The following CHCHD6 variants were observed in gnomAD, a reference collection of about 807,000 sequenced individuals.
CHCHD6 encodes the protein MICOS complex subunit MIC25.
CHCHD6 carries 28 observed loss-of-function variants against 32.3 expected under a neutral mutation model. The ratio of observed to expected loss-of-function variants is 0.87; its 90% CI spans 0.64 to 1.19. CHCHD6 has a LOEUF of 1.19. Among genes scored for constraint, CHCHD6 ranks in the 50% most tolerant of loss-of-function variants. The probability of loss-of-function intolerance (pLI) is 0.00; values close to 1 mark genes in which losing one functional copy is unlikely to be tolerated. For missense variants in CHCHD6, 333 were observed against 307.0 expected (o/e 1.08, Z -0.63); for synonymous variants, 122 against 117.5 (o/e 1.04, Z -0.25).
intron 4 of CHCHD6, among the ~76,000 whole-genome samples, chr3:126,772,963 A>T (rs1937570079): frequency 6.6e-6 from 1 of 151,934 alleles, no homozygotes; most frequent in South Asian, 2.1e-4. Context: ...TCGGAAAAGG[A>T]TCTTATTTCT....
chr3:126,807,975 C>T (rs1285207871), intron 4 of CHCHD6, among the ~76,000 whole-genome samples: 1 of 152,234 alleles, frequency 6.6e-6, no homozygotes, highest in Admixed American at 6.5e-5. Flanking sequence ...TTTACAAAAA[C>T]ACGTGGCCAG....
chr3:126,757,204 T>C (rs902446007), intron 4 of CHCHD6, among the ~76,000 whole-genome samples: 2 of 152,190 alleles, frequency 1.3e-5, no homozygotes, highest in Admixed American at 6.5e-5. Context: ...ATTTTGGATT[T>C]TGGGTTTTCA....
chr3:126,860,193 A>T (rs1017340233), intron 5 of CHCHD6, among the ~76,000 whole-genome samples: 3 of 152,060 alleles, frequency 2.0e-5, no homozygotes, highest in African/African-American at 7.2e-5. Flanking sequence ...GAGCCTGGGG[A>T]TTCAGAGGGA....
chr3:126,898,470 A>G (rs1017525484), intron 5 of CHCHD6, among the ~76,000 whole-genome samples: 2 of 152,096 alleles, frequency 1.3e-5, no homozygotes, highest in Non-Finnish European at 2.9e-5. Context: ...GGAATGATAG[A>G]GATATTTTGG....
intron 4 of CHCHD6, among the ~76,000 whole-genome samples, chr3:126,784,885 C>T (rs1433606992): frequency 5.9e-5 from 9 of 151,502 alleles, no homozygotes; most frequent in African/African-American, 2.2e-4. Flanking sequence ...TTTTCATTTT[C>T]CCCTCCCTAT....
In CHCHD6 at chr3:126,707,959, C is replaced by G. The variant is rs1286702192; in HGVS notation, c.87+3560C>G. On this transcript the variant is annotated intron_variant, in intron 1 of 7. Transcript: ENST00000290913. ...GGGACAAAGCCGAGGACCCTGTCATCATAGAGACCTCAGCCCAGTAGGGAG... is the reference window on the plus strand; with the variant it reads ...GGGACAAAGCCGAGGACCCTGTCATGATAGAGACCTCAGCCCAGTAGGGAG... Among the ~76,000 whole-genome samples, 3 of 152,236 alleles carry G rather than the reference C, an allele frequency of 2.0e-5. No individual in the cohort carries two copies. The East Asian group carries it at 5.8e-4, about 29-fold the overall frequency.
At chr3:126,801,594 G>C (rs1444580249) in intron 4 of CHCHD6, among the ~76,000 whole-genome samples, 2 of 152,224 alleles carry the variant, frequency 1.3e-5, no homozygotes, top group Non-Finnish European at 2.9e-5. Context: ...AGAGCTCAAG[G>C]AGGCCTTGCT....
intron 4 of CHCHD6, among the ~76,000 whole-genome samples, chr3:126,849,013 A>C (rs929686548): frequency 9.2e-5 from 14 of 152,206 alleles, no homozygotes; most frequent in Non-Finnish European, 1.5e-5. Flanking sequence ...GCCTGTCTCC[A>C]CAGTGGTCCT....
chr3:126,718,261 T>C (rs1347818939), intron 1 of CHCHD6, among the ~76,000 whole-genome samples: 1 of 152,376 alleles, frequency 6.6e-6, no homozygotes, highest in East Asian at 1.9e-4. Flanking sequence ...TATTTTTATG[T>C]ACCCAATATG....
At chr3:126,785,187 C>G (rs1056271391) in intron 4 of CHCHD6, among the ~76,000 whole-genome samples, 1 of 152,056 alleles carries the variant, frequency 6.6e-6, no homozygotes, top group Admixed American at 6.6e-5. Context: ...GGTGACTGTC[C>G]TTTTCATTAT....
chr3:126,798,607 C>T (rs1263665218), intron 4 of CHCHD6, among the ~76,000 whole-genome samples: 1 of 20,196 alleles, frequency 5.0e-5, no homozygotes, highest in East Asian at 0.042. Flanking sequence ...TGCCCCCGCT[C>T]TGTGGCTTGG....
intron 5 of CHCHD6, among the ~76,000 whole-genome samples, chr3:126,864,752 ACTCCTCCTCCACCATCAC>A (rs375710329): frequency 0.011 from 284 of 25,998 alleles, 2 homozygotes; most frequent in African/African-American, 0.042. Context: ...ACCATCATCT[ACTCCTCCTCCACCATCAC>A]CTCCTCCTCC....
rs1308253335 is a variant in CHCHD6 at position 126,960,402 on chromosome 3, G to A, written c.*201G>A. On this transcript the variant is annotated 3_prime_UTR_variant, in exon 8 of 8. Transcript: ENST00000290913. ...AAAGCAGATGCCTTTGTTTTCAGTC[G>A]TTGACTCACTGGCAAACAGTCACTG... 1.5e-5 allele frequency: 9 copies of A among 619,454 alleles called. No individual in the cohort carries two copies. Among genetic ancestry groups the A allele is most frequent in the African/African-American group, 3.7e-5 (2 of 54,454 alleles). 38.4% of individuals were successfully genotyped at this position (619,454 alleles called of 1,614,324 possible). A position where few individuals can be genotyped will look rare whatever the true frequency, so the allele number is the denominator to read the frequency against.
intron 4 of CHCHD6, among the ~76,000 whole-genome samples, chr3:126,769,765 C>G (rs1362311836): frequency 1.3e-5 from 2 of 152,306 alleles, no homozygotes; most frequent in African/African-American, 2.4e-5. Context: ...CTTGGCCTCC[C>G]AAAGTGCTGA....
At chr3:126,902,499 G>A (rs1454256085) in intron 5 of CHCHD6, among the ~76,000 whole-genome samples, 3 of 152,116 alleles carry the variant, frequency 2.0e-5, no homozygotes, top group Admixed American at 2.0e-4. Flanking sequence ...GGCAGATCAT[G>A]AGGTCAGGAG....
At chr3:126,855,788 A>G (rs1475373305) in intron 5 of CHCHD6, among the ~76,000 whole-genome samples, 1 of 152,106 alleles carries the variant, frequency 6.6e-6, no homozygotes, top group African/African-American at 2.4e-5. Flanking sequence ...TAGGGATGGC[A>G]CCATGTTTGA....
intron 4 of CHCHD6, among the ~76,000 whole-genome samples, chr3:126,756,154 G>T (rs1456451816): frequency 6.6e-6 from 1 of 152,038 alleles, no homozygotes; most frequent in Non-Finnish European, 1.5e-5. Context: ...CTGTGGTCGT[G>T]ATTCTTCACC....
intron 4 of CHCHD6, among the ~76,000 whole-genome samples, chr3:126,821,802 G>C (rs187183586): frequency 6.6e-6 from 1 of 151,458 alleles, no homozygotes; most frequent in Admixed American, 6.6e-5. Flanking sequence ...TTGTGGTTTT[G>C]ATTTGCATTT....
chr3:126,706,003 G>A (rs1934469997), intron 1 of CHCHD6, among the ~76,000 whole-genome samples: 1 of 152,166 alleles, frequency 6.6e-6, no homozygotes, highest in African/African-American at 2.4e-5. Flanking sequence ...GACCTCACTC[G>A]TGGCAAGGAT....
Sources: gnomAD v4.1 joint callset for allele counts (sites outside exome capture counted in the v4.1 genomes callset) on GRCh38, gnomAD v4.1.1 for gene constraint, MANE v1.5 for transcripts, NCBI Gene and HGNC (gene_info 2026-07-23, HGNC 2026-07-21) for gene names.